Variants in KANSL1 observed in about 807,000 individuals in gnomAD.
The protein encoded by KANSL1 is KAT8 regulatory NSL complex subunit 1.
KANSL1 carries 22 observed loss-of-function variants against 103.6 expected under a neutral mutation model. The ratio of observed to expected loss-of-function variants is 0.21; its 90% CI spans 0.15 to 0.30. The LOEUF is 0.30. KANSL1 is among the 10% of genes least tolerant of loss of function. KANSL1 has a pLI of 1.00. For missense variants in KANSL1, 1,337 were observed against 1,399.8 expected, an observed-to-expected ratio of 0.96 and a Z score of 0.72; for synonymous variants, 600 against 527.6, an observed-to-expected ratio of 1.14 and a Z score of -1.88.
intron 6 of KANSL1, among the ~76,000 whole-genome samples, chr17:46,057,571 C>T (rs1248428671): frequency 1.3e-5 from 2 of 152,064 alleles, no homozygotes; most frequent in Non-Finnish European, 2.9e-5. Flanking sequence ...TTAGTCATTA[C>T]GTGTCTTCTG....
chr17:46,154,578 G>A (rs537406748), intron 2 of KANSL1, among the ~76,000 whole-genome samples: 26 of 152,292 alleles, frequency 1.7e-4, no homozygotes, highest in South Asian at 6.2e-4. Flanking sequence ...CACCGTGCCC[G>A]GGCTCTCACC....
intron 2 of KANSL1, among the ~76,000 whole-genome samples, chr17:46,145,908 T>C (rs188948371): frequency 1.6e-4 from 24 of 152,284 alleles, no homozygotes; most frequent in African/African-American, 5.8e-4. Flanking sequence ...TTTGTATTTT[T>C]AGTAGAGACA....
At chr17:46,188,789 G>C (rs1156785510) in intron 1 of KANSL1, among the ~76,000 whole-genome samples, 8 of 152,130 alleles carry the variant, frequency 5.3e-5, no homozygotes, top group Admixed American at 1.3e-4. Context: ...CTAGCACTTT[G>C]GGAGGCTGAG....
chr17:46,062,516 G>A (rs544208279), intron 6 of KANSL1, among the ~76,000 whole-genome samples: 2 of 151,184 alleles, frequency 1.3e-5, no homozygotes, highest in South Asian at 4.2e-4. Context: ...GTGCCACCAC[G>A]CCCAGCTAAT....
intron 1 of KANSL1, among the ~76,000 whole-genome samples, chr17:46,184,525 G>A (rs1194561379): frequency 6.6e-6 from 1 of 152,214 alleles, no homozygotes. Context: ...GAGTAAGGAT[G>A]AGTCCAAATT....
At chr17:46,163,712 T>C (rs952109647) in intron 2 of KANSL1, among the ~76,000 whole-genome samples, 1 of 152,254 alleles carries the variant, frequency 6.6e-6, no homozygotes. Flanking sequence ...TCACCTATGA[T>C]GATCCCTCCC....
intron 1 of KANSL1, among the ~76,000 whole-genome samples, chr17:46,219,696 G>T (rs1361075012): frequency 6.6e-6 from 1 of 152,230 alleles, no homozygotes; most frequent in Non-Finnish European, 1.5e-5. Context: ...TGACTTTGCA[G>T]TTCAATACTA....
intron 2 of KANSL1, among the ~76,000 whole-genome samples, chr17:46,128,434 G>T (rs561833179): frequency 6.6e-6 from 1 of 151,864 alleles, no homozygotes; most frequent in Non-Finnish European, 1.5e-5. Context: ...GGTAAGAAGA[G>T]AATTAAAAAG....
chr17:46,080,995 C>T (rs139292451), intron 4 of KANSL1, among the ~76,000 whole-genome samples: 44 of 152,232 alleles, frequency 2.9e-4, no homozygotes, highest in Admixed American at 2.2e-3. Context: ...TACAATTTAA[C>T]ACACAAGTAA....
intron 2 of KANSL1, among the ~76,000 whole-genome samples, chr17:46,141,581 A>C (rs1320077391): frequency 6.6e-6 from 1 of 152,266 alleles, no homozygotes; most frequent in Non-Finnish European, 1.5e-5. Context: ...CGAAATAAGA[A>C]AAGACAATCA....
chr17:46,090,774 A>G (rs2079352754), intron 3 of KANSL1, among the ~76,000 whole-genome samples: 1 of 152,256 alleles, frequency 6.6e-6, no homozygotes, highest in Admixed American at 6.5e-5. Context: ...CAGCTGAAGA[A>G]TACCTGTTTT....
At chr17:46,190,574 A>T in intron 1 of KANSL1, among the ~76,000 whole-genome samples, 1 of 152,376 alleles carries the variant, frequency 6.6e-6, no homozygotes, top group South Asian at 2.1e-4. Flanking sequence ...TCATTCTTTT[A>T]ACTGGTCACA....
intron 2 of KANSL1, among the ~76,000 whole-genome samples, chr17:46,150,917 C>T (rs1161805626): frequency 5.1e-5 from 6 of 117,566 alleles, no homozygotes; most frequent in African/African-American, 2.2e-4. Context: ...CTGCAAGATC[C>T]CTATTCTGTC....
At chr17:46,143,209 T>C (rs2067586637) in intron 2 of KANSL1, among the ~76,000 whole-genome samples, 1 of 152,212 alleles carries the variant, frequency 6.6e-6, no homozygotes, top group Non-Finnish European at 1.5e-5. Flanking sequence ...TATTTACATA[T>C]ATGTACCCAT....
At chr17:46,085,016 C>CA (rs1226855532) in intron 3 of KANSL1, among the ~76,000 whole-genome samples, 1 of 152,088 alleles carries the variant, frequency 6.6e-6, no homozygotes, top group Non-Finnish European at 1.5e-5. Flanking sequence ...CAAAGCATGC[C>CA]AAAAATCATT....
At chr17:46,216,776 T>C (rs1243115472) in intron 1 of KANSL1, among the ~76,000 whole-genome samples, 2 of 152,134 alleles carry the variant, frequency 1.3e-5, no homozygotes, top group Non-Finnish European at 2.9e-5. Flanking sequence ...TATACACCTG[T>C]TCTGGGCTGA....
At chr17:46,032,437 C>A in intron 13 of KANSL1, 138 bp from the exon 14 acceptor site, 1 of 648,920 alleles carries the variant, frequency 1.5e-6, no homozygotes, top group South Asian at 2.4e-5. Context: ...CAGCAACTCC[C>A]ATTTCTTCCC....
chr17:46,051,337 G>A (rs552619211), intron 6 of KANSL1, among the ~76,000 whole-genome samples: 1 of 152,280 alleles, frequency 6.6e-6, no homozygotes, highest in East Asian at 1.9e-4. Context: ...ATAACATTTT[G>A]TACAGCAAAT....
At chr17:46,141,730 G>A (rs1478006515) in intron 2 of KANSL1, among the ~76,000 whole-genome samples, 1 of 152,210 alleles carries the variant, frequency 6.6e-6, no homozygotes, top group Non-Finnish European at 1.5e-5. Flanking sequence ...AAGTTAACCT[G>A]TATGTCTTAT....
Sources: allele counts gnomAD v4.1 joint callset (sites outside exome capture counted in the v4.1 genomes callset), GRCh38; gene constraint gnomAD v4.1.1; transcripts MANE v1.5; gene names NCBI Gene and HGNC (gene_info 2026-07-23, HGNC 2026-07-21).